The following KDM6B variants were observed in gnomAD, a reference collection of about 807,000 sequenced individuals.
The protein encoded by KDM6B is lysine demethylase 6B.
KDM6B carries 22 observed loss-of-function variants against 150.4 expected under a neutral mutation model. That is an observed-to-expected ratio of 0.15 (90% confidence interval 0.10 to 0.21). The LOEUF (loss-of-function observed/expected upper bound fraction) is 0.21, where lower values mean the gene tolerates loss of function less well. KDM6B is among the 10% of genes least tolerant of loss of function. The pLI is 1.00. For missense variants in KDM6B, 1,984 were observed against 2,234.3 expected (o/e 0.89, Z 2.26); for synonymous variants, 1,148 against 921.1 (o/e 1.25, Z -4.46).
At chr17:7,840,779 G>A (rs1359329616) in intron 2 of KDM6B, 1 of 152,136 alleles carries the variant, frequency 6.6e-6, no homozygotes. Flanking sequence ...TGCACATTGG[G>A]GTGCATGGTG....
In KDM6B at chr17:7,846,135, G is replaced by A; in HGVS notation, c.294G>A (p.Gln98=). The A allele has an allele frequency of 6.2e-7, 1 of 1,612,254 alleles. No homozygotes were observed. ...GKLESLHGCV[Q]ALLREPAQPG... ...TGGAATCCCTGCATGGCTGTGTGCA[G>A]GCATTGCTCCGGGAGCCAGCCCAGC... Residue 98 remains glutamine (Q), a synonymous_variant, in exon 7 of 24, where the codon CAG becomes CAA. Transcript: ENST00000448097.
At position 7,843,725 on chromosome 17, in the gene KDM6B, T is replaced by C. The variant is rs1257167236; in HGVS notation, c.-268-1176T>C. Among the ~76,000 whole-genome samples the C allele has an allele frequency of 6.6e-6, 1 of 152,066 alleles. No individual in the cohort carries two copies. Among genetic ancestry groups the C allele is most frequent in the Admixed American group, 6.5e-5 (1 of 15,280 alleles). ...TTTGTACTCGACACTCGCCTCTCGC[T>C]GCTCTTTGTACTCTAGACTCTCAAT... On this transcript the variant is annotated intron_variant, in intron 2 of 23. Coordinates refer to ENST00000448097, the MANE Select transcript of KDM6B (RefSeq NM_001348716.2). The surrounding 1 kb of genome is among the most constrained non-coding windows in gnomAD (Gnocchi z 4.5).
chr17:7,846,764 G>A, intron 9 of KDM6B, 24 bp downstream of exon 9: 8 of 1,613,976 alleles, frequency 5.0e-6, no homozygotes, highest in Admixed American at 1.7e-5. Context: ...GGGGCCAGCA[G>A]GCAGTAAGTA....
intron 2 of KDM6B, among the ~76,000 whole-genome samples, chr17:7,841,263 G>T (rs912860647): frequency 6.6e-6 from 1 of 152,208 alleles, no homozygotes; most frequent in Non-Finnish European, 1.5e-5. Flanking sequence ...GAGCTCTGAG[G>T]ATAAGCAGGG....
chr17:7,840,441 T>A (rs775651360), intron 2 of KDM6B: 1 of 152,198 alleles, frequency 6.6e-6, no homozygotes, highest in Admixed American at 6.5e-5. Flanking sequence ...CAGAATTTAT[T>A]TGGGGAGATA....
rs760830645 is a variant in KDM6B at position 7,846,505 on chromosome 17, C to G, written c.549+13C>G. ...GCTACACCTTGAGGTGAGGCTGGCA[C>G]TGGGTGGGTTAGGGAGGAGAGCCAG... On this transcript the variant is annotated intron_variant, in intron 8 of 23. Transcript: ENST00000448097. 6 of 1,614,056 alleles carry G rather than the reference C, an allele frequency of 3.7e-6. No individual in the cohort carries two copies. The Admixed American group carries it at 8.3e-5, about 22-fold the overall frequency.
intron 21 of KDM6B, among the ~76,000 whole-genome samples, 156 bp from the exon 22 acceptor site, chr17:7,852,844 A>G (rs1197933163): frequency 6.6e-6 from 1 of 152,220 alleles, no homozygotes; most frequent in Admixed American, 6.5e-5. Context: ...AACTTCGCCT[A>G]TAACAGATGC....
Position 7,849,868 on chromosome 17 carries a change from C to T in KDM6B, c.3488C>T (p.Ala1163Val), listed in dbSNP as rs2078656499. 2 of 1,612,640 alleles carry T rather than the reference C, an allele frequency of 1.2e-6. No individual in the cohort carries two copies. The highest frequency in any genetic ancestry group is 2.2e-5 in the East Asian group (1 of 44,820). The stretch of plus-strand genomic sequence containing the variant: ...TTTCGAGAGTCCTACCTTTCCCCTG[C>T]CCAGTCTGTGAAACCGAAGATCAAC... ...GKFRESYLSP[A>V]QSVKPKINTE... The change falls in exon 13 of 24, where the codon GCC becomes GTC. Residue 1163 changes from alanine (A) to valine (V), a missense_variant. Ala to Val is a moderately conservative substitution (Grantham distance 64). Coordinates refer to ENST00000448097, the MANE Select transcript of KDM6B (RefSeq NM_001348716.2).
chr17:7,850,174 C>T lies in KDM6B; in HGVS notation c.3670C>T (p.Leu1224Phe). The part of the protein sequence containing the change: ...VIRGLAGSLR[L>F]NLGLFSTKTL... ...CCGGGGCCTGGCGGGCTCCCTGCGG[C>T]TCAGTGAGTATGGGGGGCAGAAAGT... The change falls in exon 14 of 24, where the codon CTC becomes TTC. Residue 1224 changes from leucine (L) to phenylalanine (F), a missense_variant. Physicochemically the swap from Leu to Phe is conservative, Grantham distance 22. This residue lies in a region of KDM6B where 25 missense variants were observed against 36.4 expected (regional missense o/e 0.69). Transcript: ENST00000448097. 6.2e-7 allele frequency: 1 copy of T among 1,612,882 alleles called. No homozygotes were observed. The highest frequency in any genetic ancestry group is 8.5e-7 in the Non-Finnish European group (1 of 1,179,504).
In KDM6B at chr17:7,847,395, C is replaced by T. The variant is rs2151376679; in HGVS notation, c.1200C>T (p.Ser400=). Residue 400 remains serine, a synonymous_variant, in exon 11 of 24, where the codon AGC becomes AGT. Transcript: ENST00000448097. ...GCCTCCCCGGCACCACCACCAGCAG[C>T]AGCAGTAGCAGCAGCAGCAACACTG... is the stretch of plus-strand genomic sequence containing the variant. ...PPGLPGTTTS[S]SSSSSSNTGL... 2 of 1,613,478 alleles carry T rather than the reference C, an allele frequency of 1.2e-6. No homozygotes were observed. Among genetic ancestry groups the T allele is most frequent in the South Asian group, 1.1e-5 (1 of 91,078 alleles).
intron 20 of KDM6B, 65 bp downstream of exon 20, chr17:7,852,401 G>A: frequency 3.9e-6 from 5 of 1,289,870 alleles, no homozygotes; most frequent in Non-Finnish European, 5.3e-6. Context: ...GGGAGGCTGG[G>A]GCTTGGAGAG....
At chr17:7,850,463 G>T (rs888494736) in intron 14 of KDM6B, among the ~76,000 whole-genome samples, 2 of 152,184 alleles carry the variant, frequency 1.3e-5, no homozygotes, top group African/African-American at 4.8e-5. Context: ...TGATGTTGGG[G>T]CTCTCTCTCA....
intron 21 of KDM6B, 111 bp from the exon 22 acceptor site, chr17:7,852,889 G>A (rs1037506281): frequency 3.4e-6 from 5 of 1,452,502 alleles, no homozygotes; most frequent in Non-Finnish European, 4.8e-6. Flanking sequence ...CATGAAGCGG[G>A]GAGGCCCCTA....
rs1597856759 is a variant in KDM6B, at chr17:7,851,850, C to A, written c.4165+54C>A. 1.9e-6 allele frequency: 3 copies of A among 1,565,058 alleles called. No individual in the cohort carries two copies. The African/African-American group carries it at 4.1e-5, about 21-fold the overall frequency. ...CTGGAAGCGCGAGAGGAGGGGCTGG[C>A]GGCGGCGCTCAGCCGTCAGCCAATG... On this transcript the variant is annotated intron_variant, in intron 18 of 23. Transcript: ENST00000448097.
rs2078498339 is a variant in KDM6B at position 7,844,859 on chromosome 17, C to G, written c.-268-42C>G. 2 of 157,562 alleles carry G rather than the reference C, an allele frequency of 1.3e-5. No homozygotes were observed. The highest frequency in any genetic ancestry group is 2.8e-5 in the Non-Finnish European group (2 of 70,622). 9.8% of individuals were successfully genotyped at this position (157,562 alleles called of 1,614,324 possible). ...GCTCCCGCGCCCCTCCTCCCCCGGC[C>G]ACCGCTGCCGGGCTCACCTCGCTCC... is the stretch of plus-strand genomic sequence containing the variant. On this transcript the variant is annotated intron_variant, in intron 2 of 23. Transcript: ENST00000448097. The surrounding 1 kb of genome is among the most constrained non-coding windows in gnomAD (Gnocchi z 5.9).
intron 1 of KDM6B, among the ~76,000 whole-genome samples, chr17:7,836,865 T>C (rs1357997764): frequency 6.6e-6 from 1 of 152,196 alleles, no homozygotes; most frequent in Non-Finnish European, 1.5e-5. Flanking sequence ...CCTGGGATGA[T>C]GTCACTAGTG....
Position 7,846,396 on chromosome 17 carries a change from C to A in KDM6B, c.457-4C>A. 1 of 1,590,236 alleles carries A rather than the reference C, an allele frequency of 6.3e-7. No individual in the cohort carries two copies. On this transcript the variant is annotated splice_region_variant and splice_polypyrimidine_tract_variant and intron_variant, in intron 7 of 23. Transcript: ENST00000448097. ...GCCCCTGCCCCGTGTCCCCCCACCCCCAGGCCCAGCTCTGGAACTTTCATA... is the reference window on the plus strand; with the variant it reads ...GCCCCTGCCCCGTGTCCCCCCACCCACAGGCCCAGCTCTGGAACTTTCATA...
At position 7,847,695 on chromosome 17, in the gene KDM6B, T is replaced by TCC; in HGVS notation, c.1408_1409dup (p.Pro471HisfsTer17). On this transcript the variant is annotated frameshift_variant, in exon 12 of 24. Transcript: ENST00000448097. LOFTEE classifies it high-confidence loss of function. ...TGCCACCTGGACCTTCCTCACCCCCTCCACCCCCCTGTCCCCGCCTCTTAC... is the reference window on the plus strand; with the variant it reads ...TGCCACCTGGACCTTCCTCACCCCCTCCCCACCCCCCTGTCCCCGCCTCTTAC... The TCC allele has an allele frequency of 1.2e-6, 1 of 866,782 alleles. No homozygotes were observed. The allele number at this position is 866,782 out of a possible 1,614,324, so 53.7% of individuals were successfully genotyped here.
chr17:7,838,979 G>A (rs537650053), intron 1 of KDM6B, among the ~76,000 whole-genome samples: 4 of 152,288 alleles, frequency 2.6e-5, no homozygotes, highest in African/African-American at 7.2e-5. Flanking sequence ...CTAGAGGCCT[G>A]AGTCTCTGAG....
Sources: gnomAD v4.1 joint callset for allele counts (sites outside exome capture counted in the v4.1 genomes callset) on GRCh38, gnomAD v4.1.1 for gene constraint, gnomAD v4.1.1 regional missense constraint, Gnocchi (gnomAD v3.1) non-coding constraint, MANE v1.5 for transcripts, NCBI Gene and HGNC (gene_info 2026-07-23, HGNC 2026-07-21) for gene names.